Variants in WIZ observed in about 807,000 individuals in gnomAD.
WIZ encodes protein Wiz.
A neutral mutation model predicts 140.2 loss-of-function variants in WIZ; 25 were observed. The ratio of observed to expected loss-of-function variants is 0.18; its 90% CI spans 0.13 to 0.25. WIZ has a LOEUF of 0.25. WIZ is among the 10% of genes least tolerant of loss of function. The pLI, the probability that WIZ is intolerant of heterozygous loss-of-function variation, is 1.00. For missense variants in WIZ, 2,231 were observed against 2,632.6 expected, an observed-to-expected ratio of 0.85 and a Z score of 3.34; for synonymous variants, 1,125 against 1,154.3, an observed-to-expected ratio of 0.97 and a Z score of 0.51.
intron 2 of WIZ, among the ~76,000 whole-genome samples, chr19:15,446,952 T>G (rs1384554021): frequency 6.6e-6 from 1 of 152,218 alleles, no homozygotes; most frequent in Non-Finnish European, 1.5e-5. Context: ...TCTGTGAGGA[T>G]GCAGCAGGGT....
Position 15,436,976 on chromosome 19 carries a change from ATGT to A in WIZ, c.2567_2569del (p.Asn856del). The A allele has an allele frequency of 6.2e-7, 1 of 1,613,738 alleles. No individual in the cohort carries two copies. The highest frequency in any genetic ancestry group is 8.5e-7 in the Non-Finnish European group (1 of 1,179,810). On this transcript the variant is annotated inframe_deletion, in exon 5 of 13. Transcript: ENST00000673675. ...AGAGGTGGCCAGCAGCTCCTGCAGGATGTTGATGGGTGAGACAGTGAGCTCCCA... is the reference window on the plus strand; with the variant it reads ...AGAGGTGGCCAGCAGCTCCTGCAGGATGATGGGTGAGACAGTGAGCTCCCA...
chr19:15,440,290 CCCA>C lies in WIZ; in HGVS notation c.701_703del (p.Val234del). 1 of 1,495,410 alleles carries C rather than the reference CCCA, an allele frequency of 6.7e-7. No individual in the cohort carries two copies. The highest frequency in any genetic ancestry group is 8.9e-7 in the Non-Finnish European group (1 of 1,125,220). 92.6% of individuals were successfully genotyped at this position (1,495,410 alleles called of 1,614,324 possible). A position where few individuals can be genotyped will look rare whatever the true frequency, so the allele number is the denominator to read the frequency against. ...CAGGTCCTCCAGATCTTCTCTGCCA[CCCA>C]CCACCGCCATGTCCAGCGTCTTCGG... On this transcript the variant is annotated inframe_deletion, in exon 4 of 13. Coordinates refer to ENST00000673675, the MANE Select transcript of WIZ (RefSeq NM_001371589.1). This position sits in a 1 kb window ranked among gnomAD's most constrained non-coding sequence, Gnocchi z 6.2.
At position 15,424,270 on chromosome 19, in the gene WIZ, C is replaced by T. The variant is rs754201501; in HGVS notation, c.5423G>A (p.Arg1808Gln). 5.0e-6 allele frequency: 8 copies of T among 1,588,484 alleles called. No individual in the cohort carries two copies. The highest frequency in any genetic ancestry group is 1.1e-5 in the South Asian group (1 of 88,662). ...CACCAGGGAGGGGACTGGCCGGACT[C>T]GGGGTGGGGGTTGCCGCACCTCCTC... ...KLEEVRQPPP[R>Q]VRPVPSLVPR... Residue 1808 changes from arginine (R) to glutamine (Q), a missense_variant, in exon 12 of 13, where the codon CGA (arginine) becomes CAA (glutamine). Arg to Gln is a conservative substitution (Grantham distance 43, BLOSUM62 1). Coordinates refer to ENST00000673675, the MANE Select transcript of WIZ (RefSeq NM_001371589.1). The surrounding 1 kb of genome is among the most constrained non-coding windows in gnomAD (Gnocchi z 9.7).
Position 15,425,355 on chromosome 19 carries a change from T to C in WIZ, c.4780A>G (p.Lys1594Glu). 3 of 1,557,898 alleles carry C rather than the reference T, an allele frequency of 1.9e-6. No homozygotes were observed. Among genetic ancestry groups the C allele is most frequent in the Non-Finnish European group, 2.6e-6 (3 of 1,151,116 alleles). Residue 1594 changes from lysine to glutamate, a missense_variant, in exon 10 of 13, where the codon AAG becomes GAG. By Grantham distance (56) the Lys-to-Glu change is moderately conservative (BLOSUM62 1). This residue lies in a region of WIZ where 393 missense variants were observed against 451.7 expected (regional missense o/e 0.87). Coordinates refer to ENST00000673675, the MANE Select transcript of WIZ (RefSeq NM_001371589.1). ...AGGCGGTCCTCCTGCAGGGGCCGCT[T>C]GGCTGCCACTGAGCCCAGGTAGCCA... The part of the protein sequence containing the change: ...ATGYLGSVAA[K>E]RPLQEDRLLP...
Position 15,427,398 on chromosome 19 carries a change from G to A in WIZ, c.3950C>T (p.Ser1317Leu), listed in dbSNP as rs1968909162. 6.2e-7 allele frequency: 1 copy of A among 1,613,704 alleles called. No homozygotes were observed. The highest frequency in any genetic ancestry group is 8.5e-7 in the Non-Finnish European group (1 of 1,180,014). Residue 1317 changes from serine to leucine, a missense_variant, in exon 9 of 13, where the codon TCG (serine) becomes TTG (leucine). Ser to Leu is a moderately radical substitution (Grantham distance 145, BLOSUM62 -2). Transcript: ENST00000673675. The surrounding 1 kb of genome is among the most constrained non-coding windows in gnomAD (Gnocchi z 6.4). ...GATCTCCCGCAGCGTGTCGATGGGC[G>A]AGCCATTGACGTACCACTCGGTCAC... ...MGVTEWYVNG[S>L]PIDTLREILK...
intron 5 of WIZ, chr19:15,433,146 C>T: frequency 1.4e-6 from 1 of 731,814 alleles, no homozygotes; most frequent in Non-Finnish European, 1.7e-6. Context: ...ATCTCCGAGT[C>T]GGGGATCCTG....
Position 15,440,320 on chromosome 19 carries a change from G to C in WIZ, c.674C>G (p.Thr225Ser), listed in dbSNP as rs955866619. 17 of 1,518,900 alleles carry C rather than the reference G, an allele frequency of 1.1e-5. No homozygotes were observed. The East Asian group carries it at 4.2e-4, about 37-fold the overall frequency. The allele number at this position is 1,518,900 out of a possible 1,614,324, so 94.1% of individuals were successfully genotyped here. Reference protein sequence around the residue: ...FRRVFVPVEDTPKTLDMAVVG... With the variant: ...FRRVFVPVEDSPKTLDMAVVG... ...CACCGCCATGTCCAGCGTCTTCGGG[G>C]TGTCTTCCACTGGCACAAACACCCT... The change falls in exon 4 of 13, where the codon ACC becomes AGC. Residue 225 changes from threonine to serine, a missense_variant. Physicochemically the swap from Thr to Ser is moderately conservative, Grantham distance 58 (BLOSUM62 1). Coordinates refer to ENST00000673675, the MANE Select transcript of WIZ (RefSeq NM_001371589.1). The surrounding 1 kb of genome is among the most constrained non-coding windows in gnomAD (Gnocchi z 6.2).
intron 1 of WIZ, 98 bp from the exon 2 acceptor site, chr19:15,448,465 A>C: frequency 2.3e-5 from 21 of 912,644 alleles, no homozygotes; most frequent in Non-Finnish European, 3.0e-5. Context: ...TTTGCAGCTC[A>C]CTGCCTCAGT....
Position 15,440,405 on chromosome 19 carries a change from G to T in WIZ, c.589C>A (p.Gln197Lys). The T allele has an allele frequency of 6.5e-7, 1 of 1,535,696 alleles. No homozygotes were observed. Among genetic ancestry groups the T allele is most frequent in the Non-Finnish European group, 8.7e-7 (1 of 1,146,626 alleles). ...AGGTCCAAGTGCAGCCCTGCGTCCT[G>T]GGGGGATCCCTGCTCGTCCTCATCT... ...LQDEDEQGSPQDAGLHLDLPA... is the reference protein window; with the variant it reads ...LQDEDEQGSPKDAGLHLDLPA... The change falls in exon 4 of 13, where the codon CAG (glutamine) becomes AAG (lysine). Residue 197 changes from glutamine to lysine, a missense_variant. Physicochemically the swap from Gln to Lys is moderately conservative, Grantham distance 53. This residue lies in a region of WIZ where 307 missense variants were observed against 294.1 expected (regional missense o/e 1.04). Transcript: ENST00000673675. This position sits in a 1 kb window ranked among gnomAD's most constrained non-coding sequence, Gnocchi z 6.2.
chr19:15,421,510 A>G lies in WIZ; in HGVS notation c.*1566T>C, dbSNP rs1968366309. Reference sequence around the variant, plus strand: ...AACGATGAGCTGAAAAACCACATGCAATAAACAAGAAGGAGCAGCCAACAA... The same window carrying G: ...AACGATGAGCTGAAAAACCACATGCGATAAACAAGAAGGAGCAGCCAACAA... On this transcript the variant is annotated 3_prime_UTR_variant, in exon 13 of 13. Coordinates refer to ENST00000673675, the MANE Select transcript of WIZ (RefSeq NM_001371589.1). The G allele has an allele frequency of 6.6e-6, 1 of 152,318 alleles. No individual in the cohort carries two copies. Among genetic ancestry groups the G allele is most frequent in the Admixed American group, 6.5e-5 (1 of 15,286 alleles). 9.4% of individuals were successfully genotyped at this position (152,318 alleles called of 1,614,324 possible).
rs1599638216 is a variant in WIZ at position 15,422,774 on chromosome 19, T to G, written c.*302A>C. Reference sequence around the variant, plus strand: ...CCTGCCTGGCTGCTAGACGGGGGAGTGCTGTCCTCCCCTGTGACCAGACCG... The same window carrying G: ...CCTGCCTGGCTGCTAGACGGGGGAGGGCTGTCCTCCCCTGTGACCAGACCG... On this transcript the variant is annotated 3_prime_UTR_variant, in exon 13 of 13. Transcript: ENST00000673675. 4 of 436,592 alleles carry G rather than the reference T, an allele frequency of 9.2e-6. No individual in the cohort carries two copies. In the South Asian group the frequency reaches 1.1e-4, roughly 12 times the overall value. 27.0% of individuals were successfully genotyped at this position (436,592 alleles called of 1,614,324 possible).
At chr19:15,425,164 T>C (rs751991254) in intron 10 of WIZ, 77 bp downstream of exon 10, 1 of 1,540,446 alleles carries the variant, frequency 6.5e-7, no homozygotes, top group Non-Finnish European at 8.7e-7. Context: ...TTGGGGTCAG[T>C]GTGCACGCTT....
intron 5 of WIZ, among the ~76,000 whole-genome samples, chr19:15,434,154 A>G (rs1969424212): frequency 6.6e-6 from 1 of 150,892 alleles, no homozygotes; most frequent in African/African-American, 2.4e-5. Context: ...GCTACTTGGG[A>G]GGCTGAGGCA....
intron 5 of WIZ, among the ~76,000 whole-genome samples, chr19:15,434,267 A>AG (rs1969431985): frequency 7.1e-6 from 1 of 140,196 alleles, no homozygotes; most frequent in Non-Finnish European, 1.5e-5. Flanking sequence ...TTAAAAAAAA[A>AG]AAAAAAAAAA....
chr19:15,432,884 G>C (rs2145316100), intron 5 of WIZ, among the ~76,000 whole-genome samples: 1 of 152,002 alleles, frequency 6.6e-6, no homozygotes, highest in East Asian at 2.0e-4. Context: ...GTTCGTCTGG[G>C]CCCTGAGGGC....
In WIZ at chr19:15,427,546, G is replaced by A. The variant is rs775321955; in HGVS notation, c.3815-13C>T. ...TCTGGGCCTGAGGCTGCAGCAGGAG[G>A]AGAAAGGGGCAGTTAGCATCGTGGA... On this transcript the variant is annotated splice_polypyrimidine_tract_variant and intron_variant, in intron 8 of 12. Coordinates refer to ENST00000673675, the MANE Select transcript of WIZ (RefSeq NM_001371589.1). This position sits in a 1 kb window ranked among gnomAD's most constrained non-coding sequence, Gnocchi z 6.4. The A allele has an allele frequency of 2.0e-5, 32 of 1,598,610 alleles. No homozygotes were observed. In the Admixed American group the frequency reaches 2.0e-4, roughly 10 times the overall value.
chr19:15,423,950 G>T (rs1568283674), intron 12 of WIZ: 1 of 452,214 alleles, frequency 2.2e-6, no homozygotes, highest in Non-Finnish European at 3.8e-6. Flanking sequence ...TAAGGAGCAG[G>T]TAAGTCCTTC....
intron 5 of WIZ, 27 bp downstream of exon 5, chr19:15,436,779 C>T (rs552809825): frequency 1.5e-4 from 224 of 1,531,574 alleles, no homozygotes; most frequent in Admixed American, 1.2e-3. Context: ...GGATGGGGCT[C>T]CAGCACAGCC....
Position 15,424,037 on chromosome 19 carries a change from C to T in WIZ, c.5510+146G>A, listed in dbSNP as rs565398715. On this transcript the variant is annotated intron_variant, in intron 12 of 12. Transcript: ENST00000673675. The surrounding 1 kb of genome is among the most constrained non-coding windows in gnomAD (Gnocchi z 9.7). ...TCGCAGGCTACAAAGCTCAGGGTGT[C>T]AGCCTTTAGCCTGAGCCCCACCACA... 3.3e-5 allele frequency: 23 copies of T among 689,430 alleles called. No homozygotes were observed. The African/African-American group carries it at 4.0e-4, about 12-fold the overall frequency. 42.7% of individuals were successfully genotyped at this position (689,430 alleles called of 1,614,324 possible).
Sources: allele counts gnomAD v4.1 joint callset (sites outside exome capture counted in the v4.1 genomes callset), GRCh38; gene constraint gnomAD v4.1.1; regional missense constraint gnomAD v4.1.1; non-coding constraint Gnocchi (gnomAD v3.1); transcripts MANE v1.5; gene names NCBI Gene and HGNC (gene_info 2026-07-23, HGNC 2026-07-21).